Variants in NIPAL2 observed in about 807,000 individuals in gnomAD.
The protein encoded by NIPAL2 is NIPA-like protein 2.
A neutral mutation model predicts 48.9 loss-of-function variants in NIPAL2; 43 were observed. That is an observed-to-expected ratio of 0.88 (90% CI 0.69 to 1.13). The LOEUF is 1.13. Ranked by LOEUF, NIPAL2 falls within the 50% of genes most tolerant of loss-of-function variation. The probability of loss-of-function intolerance (pLI) is 0.00; values close to 1 mark genes in which losing one functional copy is unlikely to be tolerated. For synonymous variants in NIPAL2, 167 were observed against 174.6 expected (o/e 0.96, Z 0.34); for missense variants, 446 against 461.4 (o/e 0.97, Z 0.31).
At chr8:98,284,952 C>T (rs2130910437) in intron 1 of NIPAL2, among the ~76,000 whole-genome samples, 1 of 152,208 alleles carries the variant, frequency 6.6e-6, no homozygotes, top group Admixed American at 6.5e-5. Flanking sequence ...ATTTTTCTAT[C>T]AGTAAGAATA....
intron 1 of NIPAL2, 134 bp from the exon 2 acceptor site, chr8:98,254,221 G>A: frequency 5.1e-6 from 3 of 588,530 alleles, no homozygotes; most frequent in South Asian, 3.0e-5. Context: ...GGTAGGTTTG[G>A]GATATTAATA....
At chr8:98,217,013 G>C in intron 5 of NIPAL2, 1 of 953,580 alleles carries the variant, frequency 1.0e-6, no homozygotes, top group Non-Finnish European at 1.2e-6. Context: ...TCTCAGACAG[G>C]CCATGTTATG....
chr8:98,202,303 G>A (rs1810840241), intron 8 of NIPAL2, among the ~76,000 whole-genome samples: 1 of 152,202 alleles, frequency 6.6e-6, no homozygotes, highest in African/African-American at 2.4e-5. Flanking sequence ...GGAAGAGTTA[G>A]TAGAATTGGG....
intron 1 of NIPAL2, among the ~76,000 whole-genome samples, chr8:98,257,615 A>G (rs540573485): frequency 6.6e-6 from 1 of 152,158 alleles, no homozygotes; most frequent in Admixed American, 6.5e-5. Context: ...GGGAAAATCA[A>G]TGTTCTGTAG....
At chr8:98,203,762 C>T (rs997536783) in intron 7 of NIPAL2, among the ~76,000 whole-genome samples, 6 of 152,078 alleles carry the variant, frequency 3.9e-5, no homozygotes, top group African/African-American at 1.4e-4. Flanking sequence ...CAGTGAATTG[C>T]ACTATCACCA....
intron 6 of NIPAL2, among the ~76,000 whole-genome samples, chr8:98,206,366 T>C (rs1413983815): frequency 6.6e-6 from 1 of 151,996 alleles, no homozygotes; most frequent in Non-Finnish European, 1.5e-5. Context: ...TATATATATA[T>C]TTAAAACAGC....
chr8:98,204,794 A>G (rs1810952551), intron 7 of NIPAL2, among the ~76,000 whole-genome samples: 1 of 151,842 alleles, frequency 6.6e-6, no homozygotes, highest in African/African-American at 2.4e-5. Flanking sequence ...TGCCCCTTTG[A>G]TTTATTGCTA....
chr8:98,210,005 C>T (rs1811232968), intron 6 of NIPAL2, among the ~76,000 whole-genome samples: 1 of 151,940 alleles, frequency 6.6e-6, no homozygotes, highest in Non-Finnish European at 1.5e-5. Context: ...GCATATCTAT[C>T]TATCATTTCT....
chr8:98,243,194 T>C (rs762573212), intron 3 of NIPAL2, among the ~76,000 whole-genome samples: 11 of 152,342 alleles, frequency 7.2e-5, no homozygotes, highest in Non-Finnish European at 1.6e-4. Flanking sequence ...TCAGCAGCAA[T>C]TGCTGACTGC....
intron 1 of NIPAL2, among the ~76,000 whole-genome samples, chr8:98,272,535 G>A (rs1815197299): frequency 6.6e-6 from 1 of 151,908 alleles, no homozygotes; most frequent in South Asian, 2.1e-4. Context: ...GGTTAATGTA[G>A]TGTATTAAGA....
chr8:98,212,619 C>T, intron 5 of NIPAL2, 118 bp from the exon 6 acceptor site: 1 of 596,700 alleles, frequency 1.7e-6, no homozygotes, highest in Non-Finnish European at 3.0e-6. Context: ...GACTGAGGTT[C>T]CTAGGGATGA....
chr8:98,243,017 T>TG (rs950613220), intron 3 of NIPAL2, among the ~76,000 whole-genome samples: 1 of 152,106 alleles, frequency 6.6e-6, no homozygotes, highest in Non-Finnish European at 1.5e-5. Flanking sequence ...GTAGGAGTCA[T>TG]GGGGGGCAGG....
At chr8:98,212,675 C>G (rs1811379577) in intron 5 of NIPAL2, among the ~76,000 whole-genome samples, 174 bp from the exon 6 acceptor site, 2 of 152,120 alleles carry the variant, frequency 1.3e-5, no homozygotes, top group Non-Finnish European at 2.9e-5. Context: ...ACCCAGAGCT[C>G]GAACGTCCCT....
At chr8:98,242,184 AAG>A (rs1240048450) in intron 3 of NIPAL2, among the ~76,000 whole-genome samples, 1 of 152,098 alleles carries the variant, frequency 6.6e-6, no homozygotes, top group Non-Finnish European at 1.5e-5. Context: ...TAGATTTTAA[AAG>A]TTCTTTTTTT....
intron 10 of NIPAL2, among the ~76,000 whole-genome samples, chr8:98,194,352 C>T (rs1258182805): frequency 6.6e-6 from 1 of 152,154 alleles, no homozygotes; most frequent in East Asian, 1.9e-4. Flanking sequence ...CCAAGACATG[C>T]TCCTTAGCTG....
At chr8:98,276,737 A>G (rs1387595924) in intron 1 of NIPAL2, among the ~76,000 whole-genome samples, 2 of 148,064 alleles carry the variant, frequency 1.4e-5, no homozygotes, top group Non-Finnish European at 3.0e-5. Flanking sequence ...TTACTTATCC[A>G]TGTTTACCCA....
intron 3 of NIPAL2, among the ~76,000 whole-genome samples, chr8:98,242,488 A>ATTTTTTGTTTTG (rs774556900): frequency 1.4e-4 from 16 of 117,782 alleles, no homozygotes; most frequent in South Asian, 5.5e-4. Context: ...CACCTGACAG[A>ATTTTTTGTTTTG]TTTTTTTTTT....
At chr8:98,280,761 T>TATAG in intron 1 of NIPAL2, among the ~76,000 whole-genome samples, 333 of 30,026 alleles carry the variant, frequency 0.011, 6 homozygotes, top group Middle Eastern at 0.08. Flanking sequence ...TATATATATA[T>TATAG]AGAGAGAGAG....
intron 3 of NIPAL2, among the ~76,000 whole-genome samples, chr8:98,245,208 G>C (rs1291680232): frequency 6.6e-6 from 1 of 152,084 alleles, no homozygotes; most frequent in Non-Finnish European, 1.5e-5. Flanking sequence ...TCACAATCAA[G>C]CTCCAAACAC....
Sources: allele counts gnomAD v4.1 joint callset (sites outside exome capture counted in the v4.1 genomes callset), GRCh38; gene constraint gnomAD v4.1.1; transcripts MANE v1.5; gene names NCBI Gene and HGNC (gene_info 2026-07-23, HGNC 2026-07-21).